Variants in AGRN observed in about 807,000 individuals in gnomAD.
AGRN encodes the protein agrin proteoglycan.
AGRN carries 106 observed loss-of-function variants against 211.0 expected under a neutral mutation model. The ratio of observed to expected loss-of-function variants is 0.50; its 90% CI spans 0.43 to 0.59. The LOEUF is 0.59. Among genes scored for constraint, AGRN ranks in the 20% least tolerant of loss-of-function variants. AGRN has a pLI of 0.00. For synonymous variants in AGRN, 1,525 were observed against 1,332.5 expected (o/e 1.14, Z -3.15); for missense variants, 3,040 against 2,982.6 (o/e 1.02, Z -0.45).
intron 12 of AGRN, among the ~76,000 whole-genome samples, chr1:1,044,841 G>A (rs1274649394): frequency 6.6e-6 from 1 of 152,240 alleles, no homozygotes; most frequent in Non-Finnish European, 1.5e-5. Context: ...GAATGTGGGT[G>A]AGAACGCATG....
chr1:1,036,389 T>C (rs1194493890), intron 3 of AGRN, among the ~76,000 whole-genome samples: 1 of 152,092 alleles, frequency 6.6e-6, no homozygotes, highest in Non-Finnish European at 1.5e-5. Context: ...GTGTGGAGTT[T>C]AGGCACCTGG....
At chr1:1,041,773 G>A in intron 6 of AGRN, 71 bp downstream of exon 6, 1 of 1,290,684 alleles carries the variant, frequency 7.7e-7, no homozygotes, top group Non-Finnish European at 1.1e-6. Context: ...CCGGGGGAGG[G>A]CTCCGGCCAG....
chr1:1,047,008 G>T (rs566259205), intron 19 of AGRN, 51 bp downstream of exon 19: 1 of 1,552,074 alleles, frequency 6.4e-7, no homozygotes, highest in Admixed American at 1.9e-5. Flanking sequence ...GGGCTCGGCC[G>T]AGGTGCTGCC....
chr1:1,031,368 C>T lies in AGRN; in HGVS notation c.464-3909C>T, dbSNP rs914378146. Among the ~76,000 whole-genome samples the T allele has an allele frequency of 1.3e-5, 2 of 152,148 alleles. No individual in the cohort carries two copies. Among genetic ancestry groups the T allele is most frequent in the African/African-American group, 4.8e-5 (2 of 41,412 alleles). ...CTAGTACTCTTTCCTGCACATGAGCCTGCGTGGGCTGGTCAGGGCTGAATG... is the reference window on the plus strand; with the variant it reads ...CTAGTACTCTTTCCTGCACATGAGCTTGCGTGGGCTGGTCAGGGCTGAATG... On this transcript the variant is annotated intron_variant, in intron 2 of 35. Coordinates refer to ENST00000379370, the MANE Select transcript of AGRN (RefSeq NM_198576.4). This position sits in a 1 kb window ranked among gnomAD's most constrained non-coding sequence, Gnocchi z 4.8.
chr1:1,025,891 C>A (rs1284385073), intron 2 of AGRN, among the ~76,000 whole-genome samples: 1 of 152,200 alleles, frequency 6.6e-6, no homozygotes, highest in Non-Finnish European at 1.5e-5. Context: ...AACCCCGGGG[C>A]TCCTGGTGGG....
rs1002535657 is a variant in AGRN, at chr1:1,051,444, G to C, written c.5371-9G>C. 6.4e-6 allele frequency: 10 copies of C among 1,550,566 alleles called. No individual in the cohort carries two copies. Among genetic ancestry groups the C allele is most frequent in the Non-Finnish European group, 7.8e-6 (9 of 1,152,870 alleles). On this transcript the variant is annotated splice_polypyrimidine_tract_variant and intron_variant, in intron 31 of 35. Coordinates refer to ENST00000379370, the MANE Select transcript of AGRN (RefSeq NM_198576.4). ...GCAGGCGGGACAAGGCCCTCACCCTGCCCTGCAGGTCTCCCTCGGAGGCCG... is the reference window on the plus strand; with the variant it reads ...GCAGGCGGGACAAGGCCCTCACCCTCCCCTGCAGGTCTCCCTCGGAGGCCG...
chr1:1,054,686 TAGCCC>T, intron 35 of AGRN, 133 bp from the exon 36 acceptor site: 1 of 1,478,114 alleles, frequency 6.8e-7, no homozygotes, highest in Non-Finnish European at 9.1e-7. Flanking sequence ...TCTCCCGCTG[TAGCCC>T]CTGCAGTTCC....
chr1:1,055,502 C>T lies in AGRN; in HGVS notation c.*521C>T, dbSNP rs4587516. 0.036 allele frequency: 7,825 copies of T among 218,320 alleles called. 579 individuals are homozygous for T. The highest frequency in any genetic ancestry group is 0.16 in the African/African-American group (7,108 of 43,298). The allele number at this position is 218,320 out of a possible 1,614,324, so 13.5% of individuals were successfully genotyped here. On this transcript the variant is annotated 3_prime_UTR_variant, in exon 36 of 36. Coordinates refer to ENST00000379370, the MANE Select transcript of AGRN (RefSeq NM_198576.4). The stretch of plus-strand genomic sequence containing the variant: ...GCTGGGCACAGCTCTGCGTTGCTCC[C>T]GTGCTGCCTGCGCCAGCCCCAGGCT...
intron 1 of AGRN, among the ~76,000 whole-genome samples, chr1:1,021,719 G>C (rs1187392668): frequency 6.6e-6 from 1 of 152,252 alleles, no homozygotes; most frequent in Non-Finnish European, 1.5e-5. Context: ...GCTGCCCTGA[G>C]TGCACAGACT....
At position 1,046,424 on chromosome 1, in the gene AGRN, C is replaced by T. The variant is rs758046016; in HGVS notation, c.2939C>T (p.Thr980Ile). The T allele has an allele frequency of 1.3e-5, 21 of 1,612,396 alleles. No individual in the cohort carries two copies. In the East Asian group the frequency reaches 2.2e-4, roughly 17 times the overall value. Residue 980 changes from threonine (T) to isoleucine (I), a missense_variant, in exon 18 of 36, where the codon ACA (threonine) becomes ATA (isoleucine). Coordinates refer to ENST00000379370, the MANE Select transcript of AGRN (RefSeq NM_198576.4). ...GCTGTTGCTCCCAGCACTCACCCGA[C>T]ATCTGCCTCCGTGACTGTGACCACC... ...QEAVAPSTHP[T>I]SASVTVTTPG...
At chr1:1,051,412 CG>C in intron 31 of AGRN, 40 bp from the exon 32 acceptor site, 1 of 658,604 alleles carries the variant, frequency 1.5e-6, no homozygotes, top group Non-Finnish European at 2.5e-6. Flanking sequence ...CCGGGGCGGG[CG>C]GGGTGGCAGG....
rs866614402 is a variant in AGRN at position 1,048,173 on chromosome 1, C to A, written c.3913C>A (p.Pro1305Thr). 6.3e-7 allele frequency: 1 copy of A among 1,577,936 alleles called. No individual in the cohort carries two copies. The change falls in exon 23 of 36, where the codon CCC becomes ACC. Residue 1305 changes from proline to threonine, a missense_variant. Around this residue, in one of 3 missense-constraint regions of AGRN, gnomAD observed 1,537 missense variants for 1,505.0 expected, o/e 1.02. Coordinates refer to ENST00000379370, the MANE Select transcript of AGRN (RefSeq NM_198576.4). This position sits in a 1 kb window ranked among gnomAD's most constrained non-coding sequence, Gnocchi z 5.9. ...GCCCGTTGCCAAGACCACGGCAGCC[C>A]CCACCACACGTCGGCCCCCCACCAC... ...SQPVAKTTAA[P>T]TTRRPPTTAP...
At chr1:1,028,324 C>A (rs879760639) in intron 2 of AGRN, among the ~76,000 whole-genome samples, 44,325 of 98,240 alleles carry the variant, frequency 0.45, 7,926 homozygotes, top group East Asian at 0.57. Context: ...GGAAACGCCC[C>A]CCCCCCCCCC....
At chr1:1,022,610 C>A (rs1570132835) in intron 2 of AGRN, 148 bp downstream of exon 2, 6 of 817,606 alleles carry the variant, frequency 7.3e-6, no homozygotes, top group South Asian at 3.7e-5. Flanking sequence ...TCATTCTCTG[C>A]TTCTCCGTCC....
Position 1,040,849 on chromosome 1 carries a change from C to T in AGRN, c.696C>T (p.Arg232=), listed in dbSNP as rs1394927497. The change falls in exon 4 of 36, where the codon CGC becomes CGT. Residue 232 remains arginine (R), a synonymous_variant. Coordinates refer to ENST00000379370, the MANE Select transcript of AGRN (RefSeq NM_198576.4). ...ELQRAQCSQQ[R]RIRLLSRGPC... ...AGCGGGCGCAGTGCAGCCAGCAGCGCCGCATCCGCCTGCTCAGCCGCGGGC... is the reference window on the plus strand; with the variant it reads ...AGCGGGCGCAGTGCAGCCAGCAGCGTCGCATCCGCCTGCTCAGCCGCGGGC... The T allele has an allele frequency of 6.5e-7, 1 of 1,531,338 alleles. No individual in the cohort carries two copies. The highest frequency in any genetic ancestry group is 2.0e-5 in the Admixed American group (1 of 50,778). The allele number at this position is 1,531,338 out of a possible 1,614,324, so 94.9% of individuals were successfully genotyped here.
chr1:1,053,243 CGT>C, intron 33 of AGRN: 1 of 319,880 alleles, frequency 3.1e-6, no homozygotes, highest in Non-Finnish European at 5.7e-6. Flanking sequence ...TCAAGTGTCT[CGT>C]GTCTGCACGT....
intron 3 of AGRN, among the ~76,000 whole-genome samples, chr1:1,039,796 G>A (rs940993798): frequency 6.6e-6 from 1 of 152,164 alleles, no homozygotes; most frequent in Non-Finnish European, 1.5e-5. Context: ...GCAAGAGTGA[G>A]GTGGGGGGCC....
chr1:1,043,475 G>T lies in AGRN; in HGVS notation c.1603+18G>T, dbSNP rs1438320556. ...ACCCTGTGGTCAGTGGCGGGTGAGG[G>T]GTCTGGTGGGGGTCGGGGAGAGAGA... On this transcript the variant is annotated intron_variant, in intron 8 of 35. Transcript: ENST00000379370. 12 of 1,598,620 alleles carry T rather than the reference G, an allele frequency of 7.5e-6. No individual in the cohort carries two copies. Among genetic ancestry groups the T allele is most frequent in the Non-Finnish European group, 1.0e-5 (12 of 1,177,250 alleles).
rs1247558229 is a variant in AGRN at position 1,049,710 on chromosome 1, C to T, written c.4659C>T (p.Cys1553=). The change falls in exon 26 of 36, where the codon TGC becomes TGT. Residue 1553 remains cysteine (C), a synonymous_variant. Coordinates refer to ENST00000379370, the MANE Select transcript of AGRN (RefSeq NM_198576.4). ...SGVGECGDHP[C]LPNPCHGGAP... ...TGGGCGAGTGCGGGGACCACCCCTG[C>T]CTGCCCAACCCCTGCCATGGCGGGG... The T allele has an allele frequency of 6.3e-7, 1 of 1,580,016 alleles. No homozygotes were observed. The highest frequency in any genetic ancestry group is 1.3e-5 in the African/African-American group (1 of 74,534).
Sources: allele counts gnomAD v4.1 joint callset (sites outside exome capture counted in the v4.1 genomes callset), GRCh38; gene constraint gnomAD v4.1.1; regional missense constraint gnomAD v4.1.1; non-coding constraint Gnocchi (gnomAD v3.1); transcripts MANE v1.5; gene names NCBI Gene and HGNC (gene_info 2026-07-23, HGNC 2026-07-21).